CDH4: variants seen among roughly 807,000 people sequenced by gnomAD.
The protein encoded by CDH4 is cadherin-4.
Under a neutral mutation model 86.0 loss-of-function variants are expected in CDH4, and 33 were observed. The ratio of observed to expected loss-of-function variants is 0.38; its 90% CI spans 0.29 to 0.51. CDH4 has a LOEUF of 0.51. Ranked by LOEUF, CDH4 falls within the 20% of genes least tolerant of loss-of-function variation. The pLI, the probability that CDH4 is intolerant of heterozygous loss-of-function variation, is 0.86. For missense variants in CDH4, 1,114 were observed against 1,307.4 expected, an observed-to-expected ratio of 0.85 and a Z score of 2.28; for synonymous variants, 555 against 549.4, an observed-to-expected ratio of 1.01 and a Z score of -0.14.
intron 2 of CDH4, among the ~76,000 whole-genome samples, chr20:61,697,752 C>A (rs764963720): frequency 5.3e-5 from 8 of 152,358 alleles, no homozygotes; most frequent in Middle Eastern, 3.4e-3. Context: ...GACGTCTCCC[C>A]AGAGGGGTGT....
Position 61,932,347 on chromosome 20 carries a change from C to CA in CDH4, c.2240-637dup, listed in dbSNP as rs2055120598. Among the ~76,000 whole-genome samples, 3 of 152,342 alleles carry CA rather than the reference C, an allele frequency of 2.0e-5. No individual in the cohort carries two copies. The South Asian group carries it at 6.2e-4, about 32-fold the overall frequency. ...CTCAAAATGTAGCCCAGTGCCCAGG[C>CA]AGTGAGCTGGGGAGAGGGCCTGAGC... On this transcript the variant is annotated intron_variant, in intron 13 of 15. Transcript: ENST00000614565.
At chr20:61,857,337 T>C (rs1983065388) in intron 6 of CDH4, among the ~76,000 whole-genome samples, 1 of 152,264 alleles carries the variant, frequency 6.6e-6, no homozygotes. Flanking sequence ...TGAGTTCCGA[T>C]GGTGGGAGAA....
intron 2 of CDH4, among the ~76,000 whole-genome samples, chr20:61,476,750 AAC>A (rs2085538648): frequency 6.6e-6 from 1 of 152,202 alleles, no homozygotes; most frequent in African/African-American, 2.4e-5. Context: ...TCTCAAGCAA[AAC>A]AGTGTTCCTG....
intron 2 of CDH4, among the ~76,000 whole-genome samples, chr20:61,607,207 C>T (rs1003734776): frequency 6.6e-6 from 1 of 152,174 alleles, no homozygotes; most frequent in African/African-American, 2.4e-5. Context: ...TTTTAATCTG[C>T]GCACATATAA....
intron 3 of CDH4, among the ~76,000 whole-genome samples, chr20:61,770,578 T>C (rs118046401): frequency 0.018 from 2,799 of 152,288 alleles, 36 homozygotes; most frequent in Non-Finnish European, 0.026. Context: ...ATGTGCACTA[T>C]CACGTTTAGG....
chr20:61,482,454 C>A (rs1369272870), intron 2 of CDH4, among the ~76,000 whole-genome samples: 1 of 152,176 alleles, frequency 6.6e-6, no homozygotes, highest in African/African-American at 2.4e-5. Context: ...TCTCTTGTGG[C>A]CCCACCCAAG....
intron 2 of CDH4, among the ~76,000 whole-genome samples, chr20:61,313,978 G>T (rs2084462460): frequency 6.6e-6 from 1 of 152,150 alleles, no homozygotes; most frequent in East Asian, 1.9e-4. Context: ...CAAGTGATCT[G>T]TGCACCTTGG....
intron 8 of CDH4, among the ~76,000 whole-genome samples, chr20:61,896,517 GGCT>G (rs886450606): frequency 1.3e-5 from 2 of 152,048 alleles, no homozygotes; most frequent in African/African-American, 4.8e-5. Context: ...AGGGCAGGGG[GGCT>G]CTAGGTGCTC....
At chr20:61,270,744 G>A (rs1260016341) in intron 2 of CDH4, among the ~76,000 whole-genome samples, 2 of 152,140 alleles carry the variant, frequency 1.3e-5, no homozygotes, top group South Asian at 2.1e-4. Context: ...TTGAAGTCTC[G>A]TATCCTTCGT....
At chr20:61,487,131 G>C (rs1471134990) in intron 2 of CDH4, among the ~76,000 whole-genome samples, 1 of 152,194 alleles carries the variant, frequency 6.6e-6, no homozygotes, top group East Asian at 1.9e-4. Flanking sequence ...AGGGTGTAAG[G>C]TCTAGGTCCA....
At chr20:61,775,472 G>A (rs1002837732) in intron 4 of CDH4, among the ~76,000 whole-genome samples, 1 of 152,162 alleles carries the variant, frequency 6.6e-6, no homozygotes, top group Non-Finnish European at 1.5e-5. Context: ...AATATTCTAG[G>A]CATTGTGACC....
chr20:61,767,921 C>T (rs944547477), intron 3 of CDH4, among the ~76,000 whole-genome samples: 25 of 152,168 alleles, frequency 1.6e-4, no homozygotes, highest in Non-Finnish European at 2.9e-4. Flanking sequence ...GCAGCAGCTC[C>T]GGGAAGCTGC....
At chr20:61,562,730 TG>T (rs2086229951) in intron 2 of CDH4, among the ~76,000 whole-genome samples, 1 of 152,274 alleles carries the variant, frequency 6.6e-6, no homozygotes, top group South Asian at 2.1e-4. Flanking sequence ...AATGGTTCTC[TG>T]ATTTATTATT....
At chr20:61,647,566 T>TCTACCTCTCC (rs2087077444) in intron 2 of CDH4, among the ~76,000 whole-genome samples, 1 of 64,198 alleles carries the variant, frequency 1.6e-5, no homozygotes, top group Non-Finnish European at 3.5e-5. Flanking sequence ...TCCCTCTCCC[T>TCTACCTCTCC]CTCCCTCCCT....
intron 7 of CDH4, among the ~76,000 whole-genome samples, chr20:61,877,018 C>T (rs1984056067): frequency 1.3e-5 from 2 of 152,168 alleles, no homozygotes. Flanking sequence ...ATCAAGAGCG[C>T]CACGGAGCCC....
intron 2 of CDH4, among the ~76,000 whole-genome samples, chr20:61,435,086 T>C (rs2145521799): frequency 6.6e-6 from 1 of 152,318 alleles, no homozygotes; most frequent in South Asian, 2.1e-4. Context: ...TGAAGTTGAA[T>C]TAACTCATGC....
At chr20:61,882,783 G>A (rs550906275) in intron 7 of CDH4, among the ~76,000 whole-genome samples, 28 of 152,310 alleles carry the variant, frequency 1.8e-4, no homozygotes, top group African/African-American at 5.5e-4. Context: ...GGATATTCCC[G>A]AGGGTTTCCC....
At chr20:61,565,195 G>GCTATT (rs2086265620) in intron 2 of CDH4, among the ~76,000 whole-genome samples, 4 of 77,868 alleles carry the variant, frequency 5.1e-5, no homozygotes, top group African/African-American at 1.4e-4. Context: ...TGGTCCTCTT[G>GCTATT]GTGGTGGTCG....
Position 61,544,628 on chromosome 20 carries a change from C to A in CDH4, c.170-198935C>A, listed in dbSNP as rs1175933996. 6.6e-6 allele frequency among the ~76,000 whole-genome samples: 1 copy of A among 152,040 alleles called. No homozygotes were observed. Among genetic ancestry groups the A allele is most frequent in the Non-Finnish European group, 1.5e-5 (1 of 68,012 alleles). On this transcript the variant is annotated intron_variant, in intron 2 of 15. Coordinates refer to ENST00000614565, the MANE Select transcript of CDH4 (RefSeq NM_001794.5). The surrounding 1 kb of genome is among the most constrained non-coding windows in gnomAD (Gnocchi z 6.5). ...TGTGCCGGGGGCAGACAGGGCCCAC[C>A]AGACCCCACGCTGCTCTACTCCGCA...
Sources: allele counts gnomAD v4.1 joint callset (sites outside exome capture counted in the v4.1 genomes callset), GRCh38; gene constraint gnomAD v4.1.1; non-coding constraint Gnocchi (gnomAD v3.1); transcripts MANE v1.5; gene names NCBI Gene and HGNC (gene_info 2026-07-23, HGNC 2026-07-21).